The following SULT1A1 variants were observed in gnomAD, a reference collection of about 807,000 sequenced individuals.
The protein encoded by SULT1A1 is sulfotransferase family 1A member 1, also known as sulfotransferase 1A1.
Under a neutral mutation model 36.8 loss-of-function variants are expected in SULT1A1, and 35 were observed. The observed-to-expected ratio is 0.95, with a 90% CI of 0.73 to 1.26. The LOEUF (loss-of-function observed/expected upper bound fraction) is 1.26, where lower values mean the gene tolerates loss of function less well. Ranked by LOEUF, SULT1A1 falls within the 50% of genes most tolerant of loss-of-function variation. The probability of loss-of-function intolerance (pLI) is 0.00; values close to 1 mark genes in which losing one functional copy is unlikely to be tolerated. For missense variants in SULT1A1, 309 were observed against 383.0 expected (o/e 0.81, Z 1.61); for synonymous variants, 119 against 146.0 (o/e 0.82, Z 1.33).
At chr16:28,620,003 G>GTGTGTA in intron 2 of SULT1A1, 1 of 1,392,144 alleles carries the variant, frequency 7.2e-7, no homozygotes, top group Non-Finnish European at 1.0e-6. Flanking sequence ...TTGTGTGTGT[G>GTGTGTA]TGTGTGTGTA....
chr16:28,606,231 C>T lies in SULT1A1; in HGVS notation c.600G>A (p.Pro200=), dbSNP rs3176926. 25 of 1,590,494 alleles carry T rather than the reference C, an allele frequency of 1.6e-5. No individual in the cohort carries two copies. Among genetic ancestry groups the T allele is most frequent in the Middle Eastern group, 1.7e-4 (1 of 5,974 alleles). The change falls in exon 7 of 8, where the codon CCG becomes CCA. Residue 200 remains proline (P), a synonymous_variant. Transcript: ENST00000314752. The part of the protein sequence containing the change: ...YLFYEDMKEN[P]KREIQKILEF... ...CCAGGATCTTTTGAATCTCCCTTTT[C>T]GGGTTCTGAGCAGCAGAGGGCCCCT...
intron 1 of SULT1A1, chr16:28,609,531 A>T (rs1337756858): frequency 4.3e-6 from 3 of 693,986 alleles, no homozygotes; most frequent in Non-Finnish European, 6.4e-6. Context: ...AGGGAGGCTG[A>T]GGCCAGGAGT....
chr16:28,610,255 TTTTTTTCTG>T, upstream of SULT1A1: 3 of 1,145,414 alleles, frequency 2.6e-6, no homozygotes, highest in Non-Finnish European at 3.4e-6. Context: ...TTGTAGGTTT[TTTTTTTCTG>T]TTTTTTTTTT....
rs563797708 is a variant in SULT1A1, at chr16:28,609,926, C to A, written c.-5+5G>T. 1.6e-6 allele frequency: 2 copies of A among 1,285,482 alleles called. No homozygotes were observed. The highest frequency in any genetic ancestry group is 1.5e-5 in the African/African-American group (1 of 65,808). The allele number at this position is 1,285,482 out of a possible 1,614,324, so 79.6% of individuals were successfully genotyped here. On this transcript the variant is annotated splice_donor_5th_base_variant and intron_variant, in intron 1 of 7. Transcript: ENST00000314752. ...CGCCCTGGGCCGTTCCACTGTGTCA[C>A]TCACCTGAGCTCTTGGGAACCTGGC...
chr16:28,615,632 G>A (rs1314283054), intron 2 of SULT1A1, among the ~76,000 whole-genome samples: 1 of 152,152 alleles, frequency 6.6e-6, no homozygotes, highest in Non-Finnish European at 1.5e-5. Context: ...GGAAGCCTGG[G>A]CAACACAGGC....
chr16:28,609,904 C>T (rs1210256847), intron 1 of SULT1A1, 27 bp downstream of exon 1: 1 of 1,277,856 alleles, frequency 7.8e-7, no homozygotes, highest in East Asian at 5.5e-5. Context: ...GTGAGGGCGC[C>T]CTGGGCCGTT....
chr16:28,623,290 C>G, exon 1 of SULT1A1: 1 of 1,539,300 alleles, frequency 6.5e-7, no homozygotes, highest in South Asian at 1.2e-5. Context: ...AACGTGGCCA[C>G]GCGCCGCGTC....
chr16:28,611,187 G>T (rs2047440597), upstream of SULT1A1: 2 of 152,200 alleles, frequency 1.3e-5, no homozygotes, highest in South Asian at 4.1e-4. Flanking sequence ...CCCACACGGG[G>T]TGACACAGAA....
At chr16:28,609,761 A>G (rs2047374496) in intron 1 of SULT1A1, 170 bp downstream of exon 1, 3 of 851,322 alleles carry the variant, frequency 3.5e-6, no homozygotes, top group Non-Finnish European at 4.7e-6. Flanking sequence ...CCCCGGGGAA[A>G]AAAACAAACA....
Position 28,609,414 on chromosome 16 carries a change from G to C in SULT1A1, c.-5+517C>G, listed in dbSNP as rs1392731969. On this transcript the variant is annotated intron_variant, in intron 1 of 7. Coordinates refer to ENST00000314752, the MANE Select transcript of SULT1A1 (RefSeq NM_001055.4). ...GACAAACACGGCCCATTGAGGAACT[G>C]AGCTGCTACTAGGGGCCAGAGCTGC... 82 of 1,280,878 alleles carry C rather than the reference G, an allele frequency of 6.4e-5. 1 individual carries two copies. Among genetic ancestry groups the C allele is most frequent in the Non-Finnish European group, 7.9e-5 (77 of 980,516 alleles). The allele number at this position is 1,280,878 out of a possible 1,614,324, so 79.3% of individuals were successfully genotyped here.
exon 1 of SULT1A1, chr16:28,623,264 G>T: frequency 6.5e-7 from 1 of 1,544,330 alleles, no homozygotes; most frequent in Non-Finnish European, 8.7e-7. Flanking sequence ...TGAAGTTGGC[G>T]TGGAAGGTCA....
chr16:28,617,547 T>C (rs2047569811), intron 2 of SULT1A1, among the ~76,000 whole-genome samples: 1 of 151,970 alleles, frequency 6.6e-6, no homozygotes, highest in Admixed American at 6.6e-5. Flanking sequence ...TCTTTTCTTT[T>C]TTTTTTTCTT....
chr16:28,605,670 G>A lies in SULT1A1; in HGVS notation c.*151C>T. 7.3e-7 allele frequency: 1 copy of A among 1,364,382 alleles called. No individual in the cohort carries two copies. The highest frequency in any genetic ancestry group is 1.0e-6 in the Non-Finnish European group (1 of 978,982). 84.5% of individuals were successfully genotyped at this position (1,364,382 alleles called of 1,614,324 possible). A position where few individuals can be genotyped will look rare whatever the true frequency, so the allele number is the denominator to read the frequency against. Reference sequence around the variant, plus strand: ...TTGCCCAGGTTGGTCTCGAACTCCTGGGCTCAAATGATCCTCCCACCTCAG... The same window carrying A: ...TTGCCCAGGTTGGTCTCGAACTCCTAGGCTCAAATGATCCTCCCACCTCAG... On this transcript the variant is annotated 3_prime_UTR_variant, in exon 8 of 8. Transcript: ENST00000314752.
upstream of SULT1A1, chr16:28,610,429 G>C: frequency 2.6e-6 from 1 of 377,422 alleles, no homozygotes; most frequent in Non-Finnish European, 4.8e-6. Context: ...CCCTGGAAAG[G>C]TCACCTACCT....
intron 2 of SULT1A1, among the ~76,000 whole-genome samples, chr16:28,618,417 C>A (rs1385721739): frequency 7.5e-6 from 1 of 133,280 alleles, no homozygotes; most frequent in Non-Finnish European, 1.5e-5. Context: ...GTGATATCGG[C>A]TTAGTGCAAC....
upstream of SULT1A1, chr16:28,611,192 A>G (rs1490676783): frequency 1.3e-5 from 2 of 152,176 alleles, no homozygotes; most frequent in African/African-American, 2.4e-5. Flanking sequence ...ACGGGGTGAC[A>G]CAGAAAAGAG....
chr16:28,621,265 T>C (rs563130365), intron 1 of SULT1A1, among the ~76,000 whole-genome samples: 3 of 151,634 alleles, frequency 2.0e-5, no homozygotes, highest in Non-Finnish European at 4.4e-5. Context: ...GCAGATTACT[T>C]GAGTTCAGGA....
At chr16:28,609,650 CCA>C (rs2047370651) in intron 1 of SULT1A1, 1 of 385,484 alleles carries the variant, frequency 2.6e-6, no homozygotes, top group Admixed American at 4.1e-5. Context: ...CCTAGCTACT[CCA>C]GAGGCTGAGG....
chr16:28,619,375 A>C (rs1277287695), intron 2 of SULT1A1, among the ~76,000 whole-genome samples: 2 of 152,162 alleles, frequency 1.3e-5, no homozygotes, highest in Admixed American at 6.6e-5. Flanking sequence ...CTCCTCATAC[A>C]TCTATCAAAA....
Sources: gnomAD v4.1 joint callset for allele counts (sites outside exome capture counted in the v4.1 genomes callset) on GRCh38, gnomAD v4.1.1 for gene constraint, MANE v1.5 for transcripts, NCBI Gene and HGNC (gene_info 2026-07-23, HGNC 2026-07-21) for gene names.